PTPRD: variants seen among roughly 807,000 people sequenced by gnomAD.
The protein encoded by PTPRD is protein tyrosine phosphatase receptor type D.
PTPRD carries 34 observed loss-of-function variants against 214.5 expected under a neutral mutation model. That is an observed-to-expected ratio of 0.16 (90% CI 0.12 to 0.21). PTPRD has a LOEUF of 0.21. PTPRD is among the 10% of genes least tolerant of loss of function. The pLI is 1.00. For missense variants in PTPRD, 2,545 were observed against 2,398.7 expected, an observed-to-expected ratio of 1.06 and a Z score of -1.27; for synonymous variants, 1,128 against 845.7, an observed-to-expected ratio of 1.33 and a Z score of -5.79.
chr9:9,503,295 T>A (rs202003957), intron 8 of PTPRD, among the ~76,000 whole-genome samples: 96 of 141,412 alleles, frequency 6.8e-4, no homozygotes, highest in Admixed American at 5.6e-3. Flanking sequence ...TTTTTTTTTT[T>A]ATTTTTCTTC....
At chr9:9,226,440 C>G (rs944491616) in intron 9 of PTPRD, among the ~76,000 whole-genome samples, 1 of 151,814 alleles carries the variant, frequency 6.6e-6, no homozygotes, top group East Asian at 1.9e-4. Flanking sequence ...ATTGATGATA[C>G]CAAATCAGTC....
chr9:8,676,515 T>C (rs1222974887), intron 12 of PTPRD, among the ~76,000 whole-genome samples: 2 of 151,850 alleles, frequency 1.3e-5, no homozygotes, highest in Admixed American at 1.3e-4. Flanking sequence ...CCTGAGTAGC[T>C]GGGATTACAG....
At chr9:8,459,803 C>T (rs1357361508) in intron 33 of PTPRD, among the ~76,000 whole-genome samples, 1 of 152,048 alleles carries the variant, frequency 6.6e-6, no homozygotes, top group African/African-American at 2.4e-5. Context: ...ACCTTGGCAT[C>T]CCTTTTTGGA....
intron 3 of PTPRD, among the ~76,000 whole-genome samples, chr9:10,293,756 C>T (rs10511542): frequency 0.03 from 4,523 of 151,958 alleles, 296 homozygotes; most frequent in Admixed American, 0.16. Flanking sequence ...TAATTCTAGC[C>T]TTCATTGGTG....
At chr9:9,858,373 T>A (rs10816213) in intron 5 of PTPRD, among the ~76,000 whole-genome samples, 19,977 of 152,250 alleles carry the variant, frequency 0.13, 1,675 homozygotes, top group Non-Finnish European at 0.18. Context: ...GCCTGTGACT[T>A]CAAACCTGCT....
intron 14 of PTPRD, among the ~76,000 whole-genome samples, chr9:8,604,810 G>T (rs1447118172): frequency 6.6e-6 from 1 of 152,160 alleles, no homozygotes; most frequent in African/African-American, 2.4e-5. Flanking sequence ...CGGGTATGAT[G>T]ATGCCATTAA....
intron 11 of PTPRD, among the ~76,000 whole-genome samples, chr9:8,741,784 T>C (rs935303560): frequency 6.6e-6 from 1 of 151,878 alleles, no homozygotes; most frequent in Non-Finnish European, 1.5e-5. Flanking sequence ...AGAGACAGGA[T>C]TTCACTATAT....
At chr9:8,569,670 T>C (rs913242501) in intron 14 of PTPRD, among the ~76,000 whole-genome samples, 19 of 152,138 alleles carry the variant, frequency 1.2e-4, no homozygotes, top group African/African-American at 4.6e-4. Flanking sequence ...TGAGCAGTCA[T>C]ATAACATCCT....
intron 17 of PTPRD, 81 bp downstream of exon 17, chr9:8,526,546 A>C (rs1330049964): frequency 2.3e-6 from 3 of 1,304,424 alleles, no homozygotes; most frequent in East Asian, 2.5e-5. Context: ...ATGACGCTGA[A>C]AACAGGACAA....
chr9:9,086,018 A>G (rs1275588938), intron 10 of PTPRD, among the ~76,000 whole-genome samples: 1 of 152,204 alleles, frequency 6.6e-6, no homozygotes, highest in African/African-American at 2.4e-5. Context: ...CAACTTACAC[A>G]TATAATTTAC....
intron 10 of PTPRD, among the ~76,000 whole-genome samples, chr9:9,137,794 T>C (rs1268755770): frequency 6.6e-6 from 1 of 152,184 alleles, no homozygotes; most frequent in African/African-American, 2.4e-5. Context: ...ATTTGTCTCA[T>C]GAGGTTGCAC....
chr9:9,687,659 T>A (rs1779642218), intron 7 of PTPRD, among the ~76,000 whole-genome samples: 1 of 151,756 alleles, frequency 6.6e-6, no homozygotes, highest in African/African-American at 2.4e-5. Context: ...TTATGCAATC[T>A]TTAACATGAT....
chr9:8,759,476 G>C (rs1230659009), intron 11 of PTPRD, among the ~76,000 whole-genome samples: 7 of 152,016 alleles, frequency 4.6e-5, no homozygotes, highest in Admixed American at 4.6e-4. Context: ...GTATTGTCTG[G>C]TCTTCTGAAT....
intron 2 of PTPRD, among the ~76,000 whole-genome samples, chr9:10,583,584 T>A (rs1377430949): frequency 6.6e-6 from 1 of 151,898 alleles, no homozygotes; most frequent in Non-Finnish European, 1.5e-5. Context: ...CCTGAGTAGC[T>A]GGGATACAGC....
chr9:9,816,716 A>C (rs934669531), intron 5 of PTPRD, among the ~76,000 whole-genome samples: 1 of 152,082 alleles, frequency 6.6e-6, no homozygotes, highest in Non-Finnish European at 1.5e-5. Context: ...GCCTTACCCC[A>C]AAATATCACT....
At chr9:10,326,632 A>T (rs781781254) in intron 3 of PTPRD, among the ~76,000 whole-genome samples, 2 of 151,628 alleles carry the variant, frequency 1.3e-5, no homozygotes, top group Non-Finnish European at 3.0e-5. Flanking sequence ...AATATTTGAA[A>T]ATATCAAAAA....
intron 2 of PTPRD, among the ~76,000 whole-genome samples, chr9:10,488,793 C>T (rs1012510013): frequency 6.6e-6 from 1 of 152,016 alleles, no homozygotes; most frequent in Non-Finnish European, 1.5e-5. Flanking sequence ...CCTTAGGGCC[C>T]AAAGTCTCTT....
At chr9:8,971,373 A>G (rs2099237313) in intron 11 of PTPRD, among the ~76,000 whole-genome samples, 1 of 151,834 alleles carries the variant, frequency 6.6e-6, no homozygotes, top group Non-Finnish European at 1.5e-5. Context: ...GTTCAAAGTC[A>G]ATATAATACA....
chr9:9,426,450 C>T (rs1025283648), intron 8 of PTPRD, among the ~76,000 whole-genome samples: 7 of 152,196 alleles, frequency 4.6e-5, no homozygotes, highest in South Asian at 2.1e-4. Context: ...TCAAGGAGGC[C>T]TGCCTGCCTC....
Sources: gnomAD v4.1 joint callset for allele counts (sites outside exome capture counted in the v4.1 genomes callset) on GRCh38, gnomAD v4.1.1 for gene constraint, MANE v1.5 for transcripts, NCBI Gene and HGNC (gene_info 2026-07-23, HGNC 2026-07-21) for gene names.